TRABD2A: variants seen among roughly 807,000 people sequenced by gnomAD.
TRABD2A encodes the protein metalloprotease TIKI1.
TRABD2A carries 43 observed loss-of-function variants against 45.6 expected under a neutral mutation model. That is an observed-to-expected ratio of 0.94 (90% CI 0.74 to 1.22). The LOEUF is 1.22. TRABD2A is among the 50% of genes most tolerant of loss of function. The pLI is 0.00. For missense variants in TRABD2A, 642 were observed against 652.4 expected (o/e 0.98, Z 0.17); for synonymous variants, 269 against 265.0 (o/e 1.02, Z -0.15).
intron 2 of TRABD2A, among the ~76,000 whole-genome samples, chr2:84,859,384 A>C: frequency 6.6e-6 from 1 of 152,358 alleles, no homozygotes; most frequent in Admixed American, 6.5e-5. Context: ...ATACCAAAAA[A>C]AAGTGGGGGT....
chr2:84,821,907 C>T lies in TRABD2A; in HGVS notation c.*10G>A. Reference sequence around the variant, plus strand: ...GAGGGGTCAGGTTCTTAGCCTGGTGCTTCCAGTCGTTACAGGAGGGGTGTC... The same window carrying T: ...GAGGGGTCAGGTTCTTAGCCTGGTGTTTCCAGTCGTTACAGGAGGGGTGTC... On this transcript the variant is annotated 3_prime_UTR_variant, in exon 7 of 7. Coordinates refer to ENST00000409520, the MANE Select transcript of TRABD2A (RefSeq NM_001277053.2). 6.3e-7 allele frequency: 1 copy of T among 1,575,696 alleles called. No homozygotes were observed. Among genetic ancestry groups the T allele is most frequent in the East Asian group, 2.3e-5 (1 of 43,856 alleles).
At position 84,870,205 on chromosome 2, in the gene TRABD2A, T is replaced by A. The variant is rs767717907; in HGVS notation, c.669+20A>T. 6.3e-6 allele frequency: 10 copies of A among 1,582,730 alleles called. No homozygotes were observed. Among genetic ancestry groups the A allele is most frequent in the Non-Finnish European group, 8.6e-6 (10 of 1,160,996 alleles). On this transcript the variant is annotated intron_variant, in intron 2 of 6. Transcript: ENST00000409520. ...ATACAACCAAATGCCACTAAGTCTT[T>A]TATGCAAAGAGAGTCTTACCTGTGA... is the stretch of plus-strand genomic sequence containing the variant.
At chr2:84,826,516 A>G (rs759678664) in intron 5 of TRABD2A, among the ~76,000 whole-genome samples, 2 of 152,178 alleles carry the variant, frequency 1.3e-5, no homozygotes, top group Non-Finnish European at 2.9e-5. Flanking sequence ...GGTTCCAAGA[A>G]GGATTCTATG....
At chr2:84,861,699 A>G (rs1682505226) in intron 2 of TRABD2A, among the ~76,000 whole-genome samples, 1 of 152,200 alleles carries the variant, frequency 6.6e-6, no homozygotes, top group Non-Finnish European at 1.5e-5. Flanking sequence ...CCCAGAGAGC[A>G]CAGAGCATCC....
In TRABD2A at chr2:84,824,041, C is replaced by G. The variant is rs745429009; in HGVS notation, c.1246G>C (p.Glu416Gln). Reference protein sequence around the residue: ...PGSADTPSEAEQRFRKKRRRS... With the variant: ...PGSADTPSEAQQRFRKKRRRS... ...CTCCGCTTCTTCCGGAACCTCTGTT[C>G]GGCCTCACTGGGCGTGTCGGCACTT... is the stretch of plus-strand genomic sequence containing the variant. Residue 416 changes from glutamate (E) to glutamine (Q), a missense_variant, in exon 6 of 7, where the codon GAA becomes CAA. Physicochemically the swap from Glu to Gln is conservative, Grantham distance 29. Coordinates refer to ENST00000409520, the MANE Select transcript of TRABD2A (RefSeq NM_001277053.2). 46 of 1,613,790 alleles carry G rather than the reference C, an allele frequency of 2.9e-5. No individual in the cohort carries two copies. The highest frequency in any genetic ancestry group is 3.7e-5 in the Non-Finnish European group (44 of 1,179,794).
chr2:84,880,886 G>C (rs1329243404), intron 1 of TRABD2A, 46 bp downstream of exon 1: 1 of 1,554,204 alleles, frequency 6.4e-7, no homozygotes, highest in Non-Finnish European at 8.7e-7. Context: ...ACCATCCCAA[G>C]GAGGTGCAGA....
intron 2 of TRABD2A, among the ~76,000 whole-genome samples, chr2:84,869,291 T>C (rs1682791892): frequency 6.6e-6 from 1 of 152,220 alleles, no homozygotes; most frequent in Non-Finnish European, 1.5e-5. Flanking sequence ...CTTTATTTCA[T>C]ATTGCAAGAC....
intron 5 of TRABD2A, among the ~76,000 whole-genome samples, chr2:84,824,493 T>C (rs1459047666): frequency 6.6e-6 from 1 of 151,720 alleles, no homozygotes; most frequent in Non-Finnish European, 1.5e-5. Context: ...ATTACTGTAG[T>C]TTTCCAACAA....
intron 1 of TRABD2A, among the ~76,000 whole-genome samples, chr2:84,874,315 G>C (rs1206009501): frequency 6.6e-6 from 1 of 152,216 alleles, no homozygotes; most frequent in Non-Finnish European, 1.5e-5. Flanking sequence ...TGTAATGGCA[G>C]TACCGATGCT....
intron 2 of TRABD2A, among the ~76,000 whole-genome samples, chr2:84,860,206 C>T (rs1201432312): frequency 6.6e-6 from 1 of 152,140 alleles, no homozygotes; most frequent in Non-Finnish European, 1.5e-5. Context: ...TGCAACTTTA[C>T]CCTGGGTCTG....
intron 2 of TRABD2A, among the ~76,000 whole-genome samples, chr2:84,860,878 G>A (rs1682472278): frequency 1.3e-5 from 2 of 152,234 alleles, no homozygotes; most frequent in African/African-American, 2.4e-5. Context: ...ATCACCCACT[G>A]GCAGAAGCCA....
intron 2 of TRABD2A, 134 bp downstream of exon 2, chr2:84,870,091 C>T: frequency 1.1e-6 from 1 of 919,408 alleles, no homozygotes; most frequent in South Asian, 1.8e-5. Context: ...TTTTTTTAAC[C>T]CCCGGAAAAG....
chr2:84,856,594 T>G (rs921626440), intron 2 of TRABD2A, among the ~76,000 whole-genome samples: 2 of 151,940 alleles, frequency 1.3e-5, no homozygotes, highest in Non-Finnish European at 2.9e-5. Context: ...TCTGAAGAAG[T>G]GCTATGTTGT....
At chr2:84,880,822 C>T (rs1462194549) in intron 1 of TRABD2A, 110 bp downstream of exon 1, 3 of 1,491,194 alleles carry the variant, frequency 2.0e-6, no homozygotes, top group Non-Finnish European at 1.8e-6. Context: ...GAAAGCCCAG[C>T]CGCGGAAGTC....
At position 84,870,260 on chromosome 2, in the gene TRABD2A, G is replaced by A; in HGVS notation, c.634C>T (p.Gln212Ter). The A allele has an allele frequency of 6.2e-7, 1 of 1,613,734 alleles. No homozygotes were observed. Among genetic ancestry groups the A allele is most frequent in the Non-Finnish European group, 8.5e-7 (1 of 1,179,772 alleles). The change falls in exon 2 of 7, where the codon CAG becomes TAG. Residue 212 changes from glutamine to a stop codon, truncating the protein, a stop_gained. Transcript: ENST00000409520. LOFTEE classifies it high-confidence loss of function. ...QTGAVEKVEE[Q>*]CHPLNGLNFS... The stretch of plus-strand genomic sequence containing the variant: ...TTCAACCCATTCAATGGATGGCACT[G>A]CTCTTCCACCTTTTCCACTGCCCCA...
chr2:84,824,180 T>C lies in TRABD2A; in HGVS notation c.1107A>G (p.Thr369=). The change falls in exon 6 of 7, where the codon ACA becomes ACG. Residue 369 remains threonine (T), a synonymous_variant. Transcript: ENST00000409520. ...IHKGKSKKTS[T]RPTLSTIFAP... ...CAAAGATGGTGGACAGAGTGGGCCG[T>C]GTGGAGGTCTTTTTACTCTTCCCTC... 1 of 1,613,816 alleles carries C rather than the reference T, an allele frequency of 6.2e-7. No homozygotes were observed. Among genetic ancestry groups the C allele is most frequent in the South Asian group, 1.1e-5 (1 of 91,060 alleles).
intron 2 of TRABD2A, among the ~76,000 whole-genome samples, chr2:84,844,594 C>T (rs1681824426): frequency 6.6e-6 from 1 of 152,218 alleles, no homozygotes; most frequent in East Asian, 1.9e-4. Context: ...TGAGACAACT[C>T]AGCCTTCCAC....
At chr2:84,829,580 C>T (rs1196657693) in intron 5 of TRABD2A, among the ~76,000 whole-genome samples, 3 of 144,736 alleles carry the variant, frequency 2.1e-5, no homozygotes, top group Admixed American at 6.8e-5. Flanking sequence ...ACACGTACCA[C>T]ACTGTACACA....
intron 1 of TRABD2A, among the ~76,000 whole-genome samples, chr2:84,876,191 C>T (rs1473930289): frequency 6.6e-6 from 1 of 152,100 alleles, no homozygotes; most frequent in African/African-American, 2.4e-5. Context: ...ATATGTAAGT[C>T]TGGAGCTTGG....
Sources: gnomAD v4.1 joint callset for allele counts (sites outside exome capture counted in the v4.1 genomes callset) on GRCh38, gnomAD v4.1.1 for gene constraint, MANE v1.5 for transcripts, NCBI Gene and HGNC (gene_info 2026-07-23, HGNC 2026-07-21) for gene names.